The following SELENOI variants were observed in gnomAD, a reference collection of about 807,000 sequenced individuals.
The protein encoded by SELENOI is ethanolaminephosphotransferase 1.
SELENOI carries 24 observed loss-of-function variants against 50.7 expected under a neutral mutation model. The observed-to-expected ratio is 0.47, with a 90% confidence interval of 0.34 to 0.67. The LOEUF (loss-of-function observed/expected upper bound fraction) is 0.67, where lower values mean the gene tolerates loss of function less well. Among genes scored for constraint, SELENOI ranks in the 30% least tolerant of loss-of-function variants. SELENOI has a pLI of 0.01. For synonymous variants in SELENOI, 155 were observed against 170.2 expected, an observed-to-expected ratio of 0.91 and a Z score of 0.70; for missense variants, 352 against 461.4, an observed-to-expected ratio of 0.76 and a Z score of 2.17.
At chr2:26,381,835 A>G (rs114867189) in intron 6 of SELENOI, among the ~76,000 whole-genome samples, 6 of 152,124 alleles carry the variant, frequency 3.9e-5, no homozygotes, top group African/African-American at 9.7e-5. Flanking sequence ...TTTAAGCCAG[A>G]TGTCTTAGGA....
At chr2:26,387,881 C>T (rs909302691) in intron 9 of SELENOI, among the ~76,000 whole-genome samples, 1 of 152,136 alleles carries the variant, frequency 6.6e-6, no homozygotes, top group African/African-American at 2.4e-5. Context: ...AGGAACCCTG[C>T]TGTTAATCCG....
In SELENOI at chr2:26,385,088, A is replaced by G. The variant is rs763057214; in HGVS notation, c.861A>G (p.Leu287=). ...GGTCACCTTCAGATATTTTAGAGCT[A>G]CATCCTAGAGTATTCTACTTTATGG... ...ILWSPSDILE[L]HPRVFYFMVG... The change falls in exon 8 of 10, where the codon CTA becomes CTG. Residue 287 remains leucine (L), a synonymous_variant. Transcript: ENST00000260585. 1 of 1,612,480 alleles carries G rather than the reference A, an allele frequency of 6.2e-7. No individual in the cohort carries two copies. Among genetic ancestry groups the G allele is most frequent in the Non-Finnish European group, 8.5e-7 (1 of 1,179,110 alleles).
intron 6 of SELENOI, among the ~76,000 whole-genome samples, chr2:26,381,597 A>C (rs1677704026): frequency 6.6e-6 from 1 of 152,164 alleles, no homozygotes. Flanking sequence ...TCAGAGCTAC[A>C]AGTAATTCTG....
Position 26,394,269 on chromosome 2 carries a change from T to A in SELENOI, c.*5166T>A, listed in dbSNP as rs1358731026. 1 of 152,230 alleles carries A rather than the reference T, an allele frequency of 6.6e-6. No homozygotes were observed. The highest frequency in any genetic ancestry group is 1.9e-4 in the East Asian group (1 of 5,202). 9.4% of individuals were successfully genotyped at this position (152,230 alleles called of 1,614,324 possible). ...TTAGCTGGGCATGGTGGCATGTGCC[T>A]GTAATCCCAGTTACTGGGGAGGCTG... On this transcript the variant is annotated 3_prime_UTR_variant, in exon 10 of 10. Transcript: ENST00000260585. The surrounding 1 kb of genome is among the most constrained non-coding windows in gnomAD (Gnocchi z 4.1).
chr2:26,360,269 T>G (rs1677147232), intron 1 of SELENOI, among the ~76,000 whole-genome samples: 1 of 152,240 alleles, frequency 6.6e-6, no homozygotes, highest in Non-Finnish European at 1.5e-5. Context: ...TGAAAAATAC[T>G]CAGGTGTGTA....
intron 4 of SELENOI, among the ~76,000 whole-genome samples, chr2:26,370,835 CA>C (rs1677412530): frequency 1.6e-5 from 2 of 125,510 alleles, no homozygotes; most frequent in African/African-American, 3.3e-5. Context: ...GGGGGGCTGA[CA>C]CCCCCACCTC....
At position 26,390,838 on chromosome 2, in the gene SELENOI, T is replaced by A. The variant is rs996443038; in HGVS notation, c.*1735T>A. 2 of 152,220 alleles carry A rather than the reference T, an allele frequency of 1.3e-5. No homozygotes were observed. Among genetic ancestry groups the A allele is most frequent in the African/African-American group, 4.8e-5 (2 of 41,460 alleles). 9.4% of individuals were successfully genotyped at this position (152,220 alleles called of 1,614,324 possible). A position where few individuals can be genotyped will look rare whatever the true frequency, so the allele number is the denominator to read the frequency against. On this transcript the variant is annotated 3_prime_UTR_variant, in exon 10 of 10. Transcript: ENST00000260585. The stretch of plus-strand genomic sequence containing the variant: ...GACGGTAACTATTTTTTGTATACCT[T>A]GTTCTTTGTGATCTATAAAATTAAA...
At chr2:26,382,245 G>C (rs960721930) in intron 6 of SELENOI, among the ~76,000 whole-genome samples, 4 of 152,206 alleles carry the variant, frequency 2.6e-5, no homozygotes, top group Non-Finnish European at 4.4e-5. Context: ...GAGAGAGAGA[G>C]TATAAGTACG....
At chr2:26,356,972 G>A (rs543627757) in intron 1 of SELENOI, among the ~76,000 whole-genome samples, 241 of 152,048 alleles carry the variant, frequency 1.6e-3, no homozygotes, top group African/African-American at 5.4e-3. Flanking sequence ...ACACACACAC[G>A]TGAGTCATAC....
Position 26,384,992 on chromosome 2 carries a change from A to C in SELENOI, c.765A>C (p.Ser255=). The C allele has an allele frequency of 6.2e-7, 1 of 1,608,730 alleles. No homozygotes were observed. The highest frequency in any genetic ancestry group is 1.1e-5 in the South Asian group (1 of 89,518). Reference sequence around the variant, plus strand: ...AAAATAACACCTTGAAACTCAATTCAGTCTATGAAGCTATGGTTCCCTTAT... The same window carrying C: ...AAAATAACACCTTGAAACTCAATTCCGTCTATGAAGCTATGGTTCCCTTAT... ...SYKNNTLKLN[S]VYEAMVPLFS... is the part of the protein sequence containing the mutation. Residue 255 remains serine, a synonymous_variant, in exon 8 of 10, where the codon TCA becomes TCC. Transcript: ENST00000260585.
intron 6 of SELENOI, among the ~76,000 whole-genome samples, chr2:26,381,805 G>T (rs1392728944): frequency 6.6e-6 from 1 of 152,172 alleles, no homozygotes; most frequent in African/African-American, 2.4e-5. Context: ...TAAGATTTCT[G>T]TTGGGTTCTA....
At chr2:26,356,264 C>T (rs2147945725) in intron 1 of SELENOI, among the ~76,000 whole-genome samples, 1 of 152,238 alleles carries the variant, frequency 6.6e-6, no homozygotes, top group Non-Finnish European at 1.5e-5. Context: ...TTCAGGTGAT[C>T]CTCCCACTTC....
At chr2:26,354,307 C>T (rs1677019157) in intron 1 of SELENOI, among the ~76,000 whole-genome samples, 2 of 152,088 alleles carry the variant, frequency 1.3e-5, no homozygotes, top group Non-Finnish European at 1.5e-5. Context: ...AGTCCATGTT[C>T]TTCCTGCTAT....
At chr2:26,352,009 C>T (rs528133785) in intron 1 of SELENOI, among the ~76,000 whole-genome samples, 25 of 152,092 alleles carry the variant, frequency 1.6e-4, no homozygotes, top group Admixed American at 1.2e-3. Context: ...GGTGTTATGG[C>T]GCATACCTGT....
intron 4 of SELENOI, among the ~76,000 whole-genome samples, chr2:26,369,529 A>C (rs1355487269): frequency 6.6e-6 from 1 of 151,922 alleles, no homozygotes; most frequent in Non-Finnish European, 1.5e-5. Flanking sequence ...GCATTTTATC[A>C]TTTTTATTTC....
intron 1 of SELENOI, among the ~76,000 whole-genome samples, chr2:26,350,186 C>T (rs941993433): frequency 2.0e-5 from 1 of 49,510 alleles, no homozygotes; most frequent in Non-Finnish European, 5.2e-5. Context: ...AATTAATTAA[C>T]TTGGCTCTCA....
At position 26,364,289 on chromosome 2, in the gene SELENOI, C is replaced by T. The variant is rs780123161; in HGVS notation, c.58-13C>T. ...AGGATTTACTCTGAATATTTTCTTT[C>T]ATTTCTTAACAGTACAGTGCTGTGG... On this transcript the variant is annotated splice_polypyrimidine_tract_variant and intron_variant, in intron 1 of 9. Transcript: ENST00000260585. 2 of 1,530,830 alleles carry T rather than the reference C, an allele frequency of 1.3e-6. No homozygotes were observed. Among genetic ancestry groups the T allele is most frequent in the African/African-American group, 1.4e-5 (1 of 72,620 alleles). The allele number at this position is 1,530,830 out of a possible 1,614,324, so 94.8% of individuals were successfully genotyped here. A position where few individuals can be genotyped will look rare whatever the true frequency, so the allele number is the denominator to read the frequency against.
intron 1 of SELENOI, among the ~76,000 whole-genome samples, chr2:26,359,279 G>A (rs1677126931): frequency 6.6e-6 from 1 of 152,130 alleles, no homozygotes; most frequent in Admixed American, 6.5e-5. Context: ...AGGAGTATAG[G>A]AACAGATGAT....
chr2:26,365,526 C>T (rs758128993), intron 3 of SELENOI, among the ~76,000 whole-genome samples: 16 of 152,088 alleles, frequency 1.1e-4, no homozygotes, highest in Non-Finnish European at 1.3e-4. Flanking sequence ...ATTGGGATGA[C>T]GAGGGAATAG....
Sources: gnomAD v4.1 joint callset for allele counts (sites outside exome capture counted in the v4.1 genomes callset) on GRCh38, gnomAD v4.1.1 for gene constraint, Gnocchi (gnomAD v3.1) non-coding constraint, MANE v1.5 for transcripts, NCBI Gene and HGNC (gene_info 2026-07-23, HGNC 2026-07-21) for gene names.